PRKN: variants seen among roughly 807,000 people sequenced by gnomAD.
PRKN encodes E3 ubiquitin-protein ligase parkin.
Under a neutral mutation model 59.5 loss-of-function variants are expected in PRKN, and 56 were observed. That is an observed-to-expected ratio of 0.94 (90% CI 0.76 to 1.18). The LOEUF (loss-of-function observed/expected upper bound fraction) is 1.18. PRKN is among the 50% of genes most tolerant of loss of function. The probability of loss-of-function intolerance (pLI) is 0.00; values close to 1 mark genes in which losing one functional copy is unlikely to be tolerated. For missense variants in PRKN, 657 were observed against 596.4 expected (o/e 1.10, Z -1.06); for synonymous variants, 250 against 222.1 (o/e 1.13, Z -1.12).
At chr6:162,133,650 T>C (rs1316801834) in intron 4 of PRKN, among the ~76,000 whole-genome samples, 2 of 152,128 alleles carry the variant, frequency 1.3e-5, no homozygotes, top group Admixed American at 6.6e-5. Context: ...TTAAAAGGTA[T>C]AATAATAGAG....
chr6:162,165,005 T>C (rs1238069862), intron 4 of PRKN, among the ~76,000 whole-genome samples: 2 of 148,534 alleles, frequency 1.3e-5, no homozygotes, highest in Non-Finnish European at 3.0e-5. Context: ...GTATCTTTAC[T>C]CTGTCTTTAT....
intron 5 of PRKN, among the ~76,000 whole-genome samples, chr6:162,008,150 G>C (rs1782333881): frequency 6.6e-6 from 1 of 152,180 alleles, no homozygotes; most frequent in Admixed American, 6.5e-5. Flanking sequence ...AGTTTACTAT[G>C]AAAATTCCTG....
chr6:162,706,811 T>G (rs761893091), intron 1 of PRKN, among the ~76,000 whole-genome samples: 1 of 151,484 alleles, frequency 6.6e-6, no homozygotes, highest in Admixed American at 6.6e-5. Context: ...GAATGTATCA[T>G]AGATATAGAT....
intron 6 of PRKN, among the ~76,000 whole-genome samples, chr6:161,931,611 C>G (rs192820737): frequency 1.2e-4 from 18 of 152,250 alleles, no homozygotes; most frequent in Admixed American, 5.9e-4. Flanking sequence ...GGCTGAGGCA[C>G]TGACCAACAA....
Position 161,757,833 on chromosome 6 carries a change from A to ATCTCTCTCCCTCTC in PRKN, c.871+27938_871+27939insGAGAGGGAGAGAGA, listed in dbSNP as rs1554301288. Among the ~76,000 whole-genome samples, 71 of 37,632 alleles carry ATCTCTCTCCCTCTC rather than the reference A, an allele frequency of 1.9e-3. 2 individuals carry two copies. The highest frequency in any genetic ancestry group is 3.6e-3 in the African/African-American group (43 of 12,088). 24.7% of individuals were successfully genotyped at this position (37,632 alleles called of 152,430 possible). ...AGCCTGGGCAATAGAGCAAAACTCCATCTCTCTCTCTCTCTCTCTCTCTCT... is the reference window on the plus strand; with the variant it reads ...AGCCTGGGCAATAGAGCAAAACTCCATCTCTCTCCCTCTCTCTCTCTCTCTCTCTCTCTCTCTCT... On this transcript the variant is annotated intron_variant, in intron 7 of 11. Transcript: ENST00000366898.
intron 4 of PRKN, among the ~76,000 whole-genome samples, chr6:162,174,005 T>C (rs1398296403): frequency 2.0e-5 from 3 of 152,190 alleles, no homozygotes; most frequent in Admixed American, 1.3e-4. Context: ...AGAGCCACCA[T>C]ATATCCTGCT....
intron 1 of PRKN, among the ~76,000 whole-genome samples, chr6:162,636,211 T>C (rs1337877311): frequency 6.6e-6 from 1 of 151,916 alleles, no homozygotes; most frequent in Non-Finnish European, 1.5e-5. Flanking sequence ...TTAATCTTAT[T>C]ATTGGACAAT....
In PRKN at chr6:162,306,680, G is replaced by A. The variant is rs191415380; in HGVS notation, c.172-43915C>T. Among the ~76,000 whole-genome samples, 14 of 152,264 alleles carry A rather than the reference G, an allele frequency of 9.2e-5. No homozygotes were observed. The East Asian group carries it at 1.4e-3, about 15-fold the overall frequency. ...GCAACTACTATGTGTCCGGTACTAC[G>A]CCAGGCAGTGGGAGAATGAAGAAAA... is the stretch of plus-strand genomic sequence containing the variant. On this transcript the variant is annotated intron_variant, in intron 2 of 11. Transcript: ENST00000366898.
Position 161,549,134 on chromosome 6 carries a change from G to T in PRKN, c.934-131C>A. On this transcript the variant is annotated intron_variant, in intron 8 of 11. Coordinates refer to ENST00000366898, the MANE Select transcript of PRKN (RefSeq NM_004562.3). This position sits in a 1 kb window ranked among gnomAD's most constrained non-coding sequence, Gnocchi z 6.0. ...AAATAATGCATGTGTGTGTGTGTGT[G>T]TGTGTGTAGGGGGAGGGAGAGGGCC... The T allele has an allele frequency of 1.0e-6, 1 of 954,588 alleles. No individual in the cohort carries two copies. Among genetic ancestry groups the T allele is most frequent in the Non-Finnish European group, 1.6e-6 (1 of 606,176 alleles). The allele number at this position is 954,588 out of a possible 1,614,324, so 59.1% of individuals were successfully genotyped here. A position where few individuals can be genotyped will look rare whatever the true frequency, so the allele number is the denominator to read the frequency against.
intron 2 of PRKN, among the ~76,000 whole-genome samples, chr6:162,378,935 T>A (rs1335316425): frequency 6.6e-6 from 1 of 152,214 alleles, no homozygotes; most frequent in East Asian, 1.9e-4. Context: ...GGTGCCATGA[T>A]TTATTTAATG....
Position 161,748,353 on chromosome 6 carries a change from GT to G in PRKN, c.871+37418del, listed in dbSNP as rs370900658. On this transcript the variant is annotated intron_variant, in intron 7 of 11. Coordinates refer to ENST00000366898, the MANE Select transcript of PRKN (RefSeq NM_004562.3). ...TGCTGATCCCGAATCACTCTCTTAC[GT>G]TTTTTTTTTGTCTGTGTACCACAAA... Among the ~76,000 whole-genome samples, 694 of 144,280 alleles carry G rather than the reference GT, an allele frequency of 4.8e-3. 9 individuals carry two copies. The highest frequency in any genetic ancestry group is 0.016 in the African/African-American group (628 of 38,804). The allele number at this position is 144,280 out of a possible 152,430, so 94.7% of individuals were successfully genotyped here. A position where few individuals can be genotyped will look rare whatever the true frequency, so the allele number is the denominator to read the frequency against.
At chr6:161,797,179 C>A (rs547648555) in intron 6 of PRKN, among the ~76,000 whole-genome samples, 1 of 152,260 alleles carries the variant, frequency 6.6e-6, no homozygotes, top group South Asian at 2.1e-4. Context: ...CAATTGTGTA[C>A]CGGTTTTTCA....
intron 4 of PRKN, among the ~76,000 whole-genome samples, chr6:162,194,356 T>G (rs1784411146): frequency 6.6e-6 from 1 of 152,180 alleles, no homozygotes; most frequent in South Asian, 2.1e-4. Flanking sequence ...TATTAGTAAA[T>G]GTGGTAAAAA....
At chr6:161,787,285 T>C (rs1790458240) in intron 6 of PRKN, among the ~76,000 whole-genome samples, 1 of 152,214 alleles carries the variant, frequency 6.6e-6, no homozygotes, top group African/African-American at 2.4e-5. Flanking sequence ...AATTCCTTGG[T>C]ATTTTAATGC....
At chr6:162,396,926 A>G (rs900896515) in intron 2 of PRKN, among the ~76,000 whole-genome samples, 1 of 151,996 alleles carries the variant, frequency 6.6e-6, no homozygotes, top group Non-Finnish European at 1.5e-5. Flanking sequence ...CACAGGCATG[A>G]ACACACACAC....
At chr6:161,771,184 G>A (rs184373909) in intron 7 of PRKN, among the ~76,000 whole-genome samples, 1 of 151,770 alleles carries the variant, frequency 6.6e-6, no homozygotes, top group East Asian at 1.9e-4. Flanking sequence ...GTGAAACCCT[G>A]TCTCTACTAA....
At chr6:162,210,747 C>T (rs924840819) in intron 3 of PRKN, among the ~76,000 whole-genome samples, 1 of 151,786 alleles carries the variant, frequency 6.6e-6, no homozygotes, top group African/African-American at 2.4e-5. Context: ...GGGTGGACTG[C>T]AGAAAAGTTA....
chr6:161,766,314 A>ATTTTTTTTTTTTTTTTTT (rs758294050), intron 7 of PRKN, among the ~76,000 whole-genome samples: 8 of 139,640 alleles, frequency 5.7e-5, no homozygotes, highest in African/African-American at 2.1e-4. Flanking sequence ...CATTGACCAC[A>ATTTTTTTTTTTTTTTTTT]TTTTTTTTTT....
chr6:162,455,284 T>C (rs959190230), intron 1 of PRKN, among the ~76,000 whole-genome samples: 11 of 152,198 alleles, frequency 7.2e-5, no homozygotes, highest in African/African-American at 2.2e-4. Flanking sequence ...CATCCACCCA[T>C]CCATCCACCT....
Sources: gnomAD v4.1 joint callset for allele counts (sites outside exome capture counted in the v4.1 genomes callset) on GRCh38, gnomAD v4.1.1 for gene constraint, Gnocchi (gnomAD v3.1) non-coding constraint, MANE v1.5 for transcripts, NCBI Gene and HGNC (gene_info 2026-07-23, HGNC 2026-07-21) for gene names.